The following MAP2K1 variants were observed in gnomAD, a reference collection of about 807,000 sequenced individuals.
The protein encoded by MAP2K1 is dual specificity mitogen-activated protein kinase kinase 1.
A neutral mutation model predicts 46.3 loss-of-function variants in MAP2K1; 16 were observed. That is an observed-to-expected ratio of 0.35 (90% CI 0.23 to 0.52). The LOEUF is 0.52. Ranked by LOEUF, MAP2K1 falls within the 20% of genes least tolerant of loss-of-function variation. The probability of loss-of-function intolerance (pLI) is 0.94; values close to 1 mark genes in which losing one functional copy is unlikely to be tolerated. For missense variants in MAP2K1, 263 were observed against 497.1 expected, an observed-to-expected ratio of 0.53 and a Z score of 4.48; for synonymous variants, 183 against 185.6, an observed-to-expected ratio of 0.99 and a Z score of 0.11.
At chr15:66,426,456 C>G (rs1270013714) in intron 1 of MAP2K1, among the ~76,000 whole-genome samples, 2 of 151,942 alleles carry the variant, frequency 1.3e-5, no homozygotes, top group South Asian at 2.1e-4. Flanking sequence ...GGAAACACAT[C>G]CTTCCATGAG....
chr15:66,433,742 G>C (rs1476785508), intron 1 of MAP2K1, among the ~76,000 whole-genome samples: 1 of 152,132 alleles, frequency 6.6e-6, no homozygotes, highest in Non-Finnish European at 1.5e-5. Context: ...GTATAATGAA[G>C]GCCTATCTTG....
At chr15:66,395,937 T>C (rs974674899) in intron 1 of MAP2K1, among the ~76,000 whole-genome samples, 16 of 152,174 alleles carry the variant, frequency 1.1e-4, no homozygotes, top group African/African-American at 3.6e-4. Flanking sequence ...GGACTGTGAT[T>C]GTCTTGTGTA....
intron 1 of MAP2K1, 70 bp from the exon 2 acceptor site, chr15:66,434,957 T>A (rs2093483703): frequency 9.9e-7 from 1 of 1,009,046 alleles, no homozygotes; most frequent in Non-Finnish European, 1.6e-6. Context: ...TTTCTTTCCA[T>A]GATAGGAGTA....
intron 7 of MAP2K1, 88 bp downstream of exon 7, chr15:66,485,279 CATT>C: frequency 8.0e-7 from 1 of 1,252,454 alleles, no homozygotes; most frequent in Middle Eastern, 2.7e-4. Context: ...ATTCTCTGTA[CATT>C]CTGCCAAGAC....
intron 5 of MAP2K1, chr15:66,446,904 C>T (rs1446431796): frequency 2.4e-5 from 4 of 164,178 alleles, no homozygotes; most frequent in Non-Finnish European, 5.4e-5. Flanking sequence ...TGAAAGTCAG[C>T]TGTCCACTAA....
At chr15:66,442,694 C>G (rs1299321595) in intron 3 of MAP2K1, among the ~76,000 whole-genome samples, 1 of 152,150 alleles carries the variant, frequency 6.6e-6, no homozygotes, top group Non-Finnish European at 1.5e-5. Flanking sequence ...TGGGTGTCCT[C>G]CTGTTTAATT....
intron 2 of MAP2K1, 56 bp from the exon 3 acceptor site, chr15:66,436,690 C>G (rs2140582834): frequency 6.6e-7 from 1 of 1,519,726 alleles, no homozygotes; most frequent in Non-Finnish European, 9.1e-7. Context: ...CTATATCTTT[C>G]ATCCCTTCCT....
chr15:66,455,859 T>C (rs918092225), intron 5 of MAP2K1, among the ~76,000 whole-genome samples: 2 of 152,216 alleles, frequency 1.3e-5, no homozygotes, highest in Non-Finnish European at 2.9e-5. Context: ...TCTGTTATTA[T>C]ACAGAACATT....
At chr15:66,486,099 C>G (rs1020102131) in intron 7 of MAP2K1, among the ~76,000 whole-genome samples, 17 of 152,176 alleles carry the variant, frequency 1.1e-4, no homozygotes, top group Admixed American at 8.5e-4. Context: ...TGAGGTCTCA[C>G]TATGTTGACT....
intron 1 of MAP2K1, among the ~76,000 whole-genome samples, chr15:66,396,992 C>CTTTTT: frequency 1.7e-5 from 2 of 117,620 alleles, no homozygotes; most frequent in African/African-American, 6.8e-5. Context: ...GCCTGTAACG[C>CTTTTT]TTCTTTTTTT....
chr15:66,396,528 A>G (rs2093368015), intron 1 of MAP2K1, among the ~76,000 whole-genome samples: 1 of 149,018 alleles, frequency 6.7e-6, no homozygotes, highest in South Asian at 2.1e-4. Flanking sequence ...CCTCAGCCCC[A>G]CAAGGTGCTG....
At chr15:66,453,901 C>T (rs956058947) in intron 5 of MAP2K1, among the ~76,000 whole-genome samples, 1 of 152,122 alleles carries the variant, frequency 6.6e-6, no homozygotes, top group Non-Finnish European at 1.5e-5. Context: ...TAGGCTAAAG[C>T]GATTCTCCTG....
At chr15:66,487,318 C>T (rs779975903) in intron 8 of MAP2K1, 26 bp downstream of exon 8, 4 of 1,610,094 alleles carry the variant, frequency 2.5e-6, no homozygotes, top group Non-Finnish European at 3.4e-6. Flanking sequence ...TTTCCTTCAC[C>T]TTGGAATTTA....
intron 5 of MAP2K1, among the ~76,000 whole-genome samples, chr15:66,448,353 GACACTGGTTCTTAAGTAA>G (rs1891935975): frequency 6.6e-6 from 1 of 152,150 alleles, no homozygotes; most frequent in Non-Finnish European, 1.5e-5. Context: ...TGATGTGCTA[GACACTGGTTCTTAAGTAA>G]GTGCTGGTTC....
chr15:66,421,019 T>TTTA (rs2093441125), intron 1 of MAP2K1, among the ~76,000 whole-genome samples: 1 of 143,356 alleles, frequency 7.0e-6, no homozygotes, highest in South Asian at 2.2e-4. Flanking sequence ...ATATATATAC[T>TTTA]TATAATTTTT....
chr15:66,405,342 G>A (rs1176193590), intron 1 of MAP2K1, among the ~76,000 whole-genome samples: 1 of 152,178 alleles, frequency 6.6e-6, no homozygotes, highest in Non-Finnish European at 1.5e-5. Context: ...TGAAAAATCA[G>A]TTCCTAGGTT....
intron 1 of MAP2K1, chr15:66,415,134 G>C: frequency 1.9e-6 from 1 of 525,142 alleles, no homozygotes; most frequent in Non-Finnish European, 3.8e-6. Flanking sequence ...TCAAGCTCCA[G>C]CTTGGCAGCT....
chr15:66,485,587 G>A (rs1051802628), intron 7 of MAP2K1, among the ~76,000 whole-genome samples: 25 of 151,502 alleles, frequency 1.7e-4, no homozygotes, highest in East Asian at 7.8e-4. Flanking sequence ...ATTTATTTGC[G>A]GGGGTTGGGA....
intron 5 of MAP2K1, among the ~76,000 whole-genome samples, chr15:66,462,094 A>G (rs1473694024): frequency 6.6e-6 from 1 of 152,208 alleles, no homozygotes; most frequent in Non-Finnish European, 1.5e-5. Flanking sequence ...GCAAGACTGT[A>G]CTTTACAAGT....
Sources: allele counts gnomAD v4.1 joint callset (sites outside exome capture counted in the v4.1 genomes callset), GRCh38; gene constraint gnomAD v4.1.1; transcripts MANE v1.5; gene names NCBI Gene and HGNC (gene_info 2026-07-23, HGNC 2026-07-21).